PDE1A: variants seen among roughly 807,000 people sequenced by gnomAD.
PDE1A encodes phosphodiesterase 1A.
In PDE1A, 35 loss-of-function variants were observed where a neutral mutation model predicts 61.7. That is an observed-to-expected ratio of 0.57 (90% CI 0.43 to 0.75). The LOEUF is 0.75. Ranked by LOEUF, PDE1A falls within the 30% of genes least tolerant of loss-of-function variation. PDE1A has a pLI of 0.00. For synonymous variants in PDE1A, 232 were observed against 213.2 expected (o/e 1.09, Z -0.77); for missense variants, 597 against 630.6 (o/e 0.95, Z 0.57).
At chr2:182,528,437 T>C in the PDE1A span, among the ~76,000 whole-genome samples, 1 of 152,182 alleles carries the variant, frequency 6.6e-6, no homozygotes, top group African/African-American at 2.4e-5. Context: ...AAGAAGTGAC[T>C]TGGGTACTGT....
the PDE1A span, among the ~76,000 whole-genome samples, chr2:182,606,930 A>G: frequency 6.6e-6 from 1 of 152,230 alleles, no homozygotes; most frequent in East Asian, 1.9e-4. Flanking sequence ...CACTGAGACA[A>G]TAAGTATTGC....
chr2:182,342,537 G>C (rs949909287), intron 1 of PDE1A, among the ~76,000 whole-genome samples: 2 of 152,166 alleles, frequency 1.3e-5, no homozygotes, highest in Non-Finnish European at 2.9e-5. Context: ...CAAAAAATTA[G>C]ACTGGCGTGG....
the PDE1A span, among the ~76,000 whole-genome samples, chr2:182,562,450 G>A: frequency 9.3e-5 from 14 of 150,760 alleles, no homozygotes; most frequent in Middle Eastern, 3.4e-3. Context: ...TGCTGGATTC[G>A]GTTTGCCAGT....
the PDE1A span, among the ~76,000 whole-genome samples, chr2:182,608,687 C>T: frequency 2.7e-4 from 41 of 152,238 alleles, no homozygotes; most frequent in Admixed American, 2.4e-3. Flanking sequence ...GAGCTTCCGC[C>T]GTGGACTCCT....
At position 182,308,438 on chromosome 2, in the gene PDE1A, G is replaced by C. The variant is rs535437071; in HGVS notation, c.54-44024C>G. ...GTAAATCTCTTTTAAAGTCCGAAAT[G>C]TAATTTAAAGTCATTGAGAAATTTA... On this transcript the variant is annotated intron_variant, in intron 1 of 13. Transcript: ENST00000351439. Among the ~76,000 whole-genome samples, 9 of 152,154 alleles carry C rather than the reference G, an allele frequency of 5.9e-5. No individual in the cohort carries two copies. In the East Asian group the frequency reaches 1.7e-3, roughly 29 times the overall value.
chr2:182,406,268 T>C (rs912346820), intron 1 of PDE1A, among the ~76,000 whole-genome samples: 1 of 152,040 alleles, frequency 6.6e-6, no homozygotes, highest in African/African-American at 2.4e-5. Context: ...AATTCTGAAA[T>C]TTACTATATT....
At chr2:182,333,072 T>G (rs1697530132) in intron 1 of PDE1A, among the ~76,000 whole-genome samples, 1 of 152,076 alleles carries the variant, frequency 6.6e-6, no homozygotes, top group South Asian at 2.1e-4. Context: ...GCATCCAAAT[T>G]CATAAAGCAA....
intron 2 of PDE1A, among the ~76,000 whole-genome samples, chr2:182,501,580 T>A (rs1689084367): frequency 6.6e-6 from 1 of 152,254 alleles, no homozygotes; most frequent in Non-Finnish European, 1.5e-5. Context: ...TCCTACCATA[T>A]ATTCATTTCA....
At chr2:182,657,274 C>T in the PDE1A span, among the ~76,000 whole-genome samples, 2,853 of 152,180 alleles carry the variant, frequency 0.019, 41 homozygotes, top group South Asian at 0.049. Flanking sequence ...TTTTTTCAAC[C>T]GCATTTAGAA....
chr2:182,277,331 G>T (rs1693492648), intron 1 of PDE1A, among the ~76,000 whole-genome samples: 1 of 152,036 alleles, frequency 6.6e-6, no homozygotes, highest in Admixed American at 6.6e-5. Context: ...TCATTTCTCA[G>T]ATCAGCCAAC....
chr2:182,372,791 C>T (rs372875392), intron 1 of PDE1A, among the ~76,000 whole-genome samples: 11 of 152,250 alleles, frequency 7.2e-5, no homozygotes, highest in East Asian at 3.9e-4. Flanking sequence ...GGCAGACCAA[C>T]GGTTAGCACT....
chr2:182,594,838 G>C, the PDE1A span, among the ~76,000 whole-genome samples: 1 of 152,156 alleles, frequency 6.6e-6, no homozygotes, highest in Admixed American at 6.6e-5. Flanking sequence ...CATAACACTG[G>C]ACCAGGTCCT....
intron 13 of PDE1A, among the ~76,000 whole-genome samples, chr2:182,184,761 C>T (rs745377856): frequency 6.6e-6 from 1 of 152,100 alleles, no homozygotes; most frequent in African/African-American, 2.4e-5. Flanking sequence ...CTGGTCTATT[C>T]CCAAGGCCCA....
At chr2:182,153,861 A>G (rs1420297291) in intron 13 of PDE1A, among the ~76,000 whole-genome samples, 2 of 152,138 alleles carry the variant, frequency 1.3e-5, no homozygotes. Flanking sequence ...GAAGGGTAGG[A>G]GGTTTGGAGG....
At chr2:182,379,125 T>C (rs768027369) in intron 1 of PDE1A, among the ~76,000 whole-genome samples, 2 of 152,244 alleles carry the variant, frequency 1.3e-5, no homozygotes, top group African/African-American at 2.4e-5. Context: ...ACTTTCACAA[T>C]TTAAAATAAC....
the PDE1A span, among the ~76,000 whole-genome samples, chr2:182,623,330 T>G: frequency 6.6e-6 from 1 of 152,304 alleles, no homozygotes; most frequent in East Asian, 1.9e-4. Context: ...AGTACACTTC[T>G]CTAGGATAGC....
chr2:182,679,005 C>CTTT, the PDE1A span, among the ~76,000 whole-genome samples: 15 of 127,648 alleles, frequency 1.2e-4, no homozygotes, highest in Non-Finnish European at 1.6e-4. Flanking sequence ...TTTGGTTTCT[C>CTTT]TTTTTTTTTT....
intron 2 of PDE1A, among the ~76,000 whole-genome samples, chr2:182,490,017 T>G (rs1287615006): frequency 1.8e-5 from 1 of 56,646 alleles, no homozygotes; most frequent in Non-Finnish European, 3.5e-5. Context: ...CAAAGAAAAC[T>G]GAGAAGGAGT....
At chr2:182,179,950 T>C (rs13400054) in intron 13 of PDE1A, among the ~76,000 whole-genome samples, 31,159 of 152,158 alleles carry the variant, frequency 0.2, 3,417 homozygotes, top group East Asian at 0.33. Flanking sequence ...AGGGTTAATA[T>C]GATGATGAGC....
Sources: allele counts gnomAD v4.1 joint callset (sites outside exome capture counted in the v4.1 genomes callset), GRCh38; gene constraint gnomAD v4.1.1; transcripts MANE v1.5; gene names NCBI Gene and HGNC (gene_info 2026-07-23, HGNC 2026-07-21).